The following NARS1 variants were observed in gnomAD, a reference collection of about 807,000 sequenced individuals.
The protein encoded by NARS1 is asparaginyl-tRNA synthetase 1, also known as asparagine--tRNA ligase, cytoplasmic.
NARS1 carries 65 observed loss-of-function variants against 79.2 expected under a neutral mutation model. The ratio of observed to expected loss-of-function variants is 0.82; its 90% CI spans 0.67 to 1.01. The LOEUF is 1.01. Ranked by LOEUF, NARS1 falls within the 50% of genes least tolerant of loss-of-function variation. NARS1 has a pLI of 0.00. For missense variants in NARS1, 649 were observed against 673.8 expected (o/e 0.96, Z 0.41); for synonymous variants, 229 against 238.8 (o/e 0.96, Z 0.38).
At position 57,613,623 on chromosome 18, in the gene NARS1, C is replaced by G. The variant is rs1356553375; in HGVS notation, c.400G>C (p.Val134Leu). ...TTACCTTGCCTGCGCAGCCTGTGGACCCAGCCAAACACCTTTACTCTTTGG... is the reference window on the plus strand; with the variant it reads ...TTACCTTGCCTGCGCAGCCTGTGGAGCCAGCCAAACACCTTTACTCTTTGG... ...RGQRVKVFGW[V>L]HRLRRQGKNL... The change falls in exon 5 of 14, where the codon GTC becomes CTC. Residue 134 changes from valine (V) to leucine (L), a missense_variant. By Grantham distance (32) the Val-to-Leu change is conservative (BLOSUM62 1). Coordinates refer to ENST00000256854, the MANE Select transcript of NARS1 (RefSeq NM_004539.4). 1.9e-6 allele frequency: 3 copies of G among 1,614,100 alleles called. No homozygotes were observed. The South Asian group carries it at 3.3e-5, about 18-fold the overall frequency.
At chr18:57,606,582 T>C in intron 10 of NARS1, 34 bp downstream of exon 10, 1 of 1,583,622 alleles carries the variant, frequency 6.3e-7, no homozygotes, top group Non-Finnish European at 8.6e-7. Flanking sequence ...AAAAAAGGAC[T>C]GTGACTTTTT....
At chr18:57,606,443 T>C (rs1421535947) in intron 10 of NARS1, among the ~76,000 whole-genome samples, 173 bp downstream of exon 10, 1 of 151,738 alleles carries the variant, frequency 6.6e-6, no homozygotes, top group Admixed American at 6.6e-5. Context: ...GTTATATAAC[T>C]GAAAACATTA....
At chr18:57,619,337 G>T (rs1281438481) in intron 2 of NARS1, among the ~76,000 whole-genome samples, 1 of 149,576 alleles carries the variant, frequency 6.7e-6, no homozygotes, top group Non-Finnish European at 1.5e-5. Context: ...AGCACTTTGG[G>T]AGGGTTAATA....
chr18:57,605,868 C>A lies in NARS1; in HGVS notation c.1240G>T (p.Glu414Ter). The part of the protein sequence containing the change: ...DVKKEDGTFY[E>*]FGEDIPEAPE... The stretch of plus-strand genomic sequence containing the variant: ...AAAGGGATACATACTTCTCCAAATT[C>A]ATAGAAAGTTCCATCTTCTTTCTTT... Residue 414 changes from glutamate to a stop codon, truncating the protein, a stop_gained, in exon 11 of 14, where the codon GAA becomes TAA. Transcript: ENST00000256854. LOFTEE classifies it high-confidence loss of function. 1 of 1,599,196 alleles carries A rather than the reference C, an allele frequency of 6.3e-7. No individual in the cohort carries two copies. The highest frequency in any genetic ancestry group is 8.6e-7 in the Non-Finnish European group (1 of 1,168,076).
intron 5 of NARS1, 60 bp from the exon 6 acceptor site, chr18:57,611,767 T>C (rs1290134935): frequency 1.4e-5 from 13 of 918,960 alleles, no homozygotes; most frequent in Middle Eastern, 2.7e-4. Context: ...ATTTTATATA[T>C]ATATATAATT....
chr18:57,601,917 G>T, intron 13 of NARS1, 134 bp from the exon 14 acceptor site: 1 of 849,810 alleles, frequency 1.2e-6, no homozygotes, highest in Non-Finnish European at 1.9e-6. Context: ...CAGATTCAGT[G>T]GCTCGTGCCT....
intron 5 of NARS1, among the ~76,000 whole-genome samples, chr18:57,612,137 T>C (rs1202041535): frequency 6.6e-6 from 1 of 152,198 alleles, no homozygotes; most frequent in African/African-American, 2.4e-5. Flanking sequence ...GCCCCTGAAG[T>C]ACCCACTGGT....
intron 2 of NARS1, among the ~76,000 whole-genome samples, chr18:57,617,528 C>T (rs1182485278): frequency 1.4e-5 from 2 of 142,686 alleles, no homozygotes; most frequent in African/African-American, 5.3e-5. Context: ...GCCGAGATCG[C>T]ACCACTGCAC....
At position 57,600,773 on chromosome 18, in the gene NARS1, T is replaced by C. The variant is rs1311878803; in HGVS notation, c.*879A>G. The C allele has an allele frequency of 6.6e-6, 1 of 152,322 alleles. No homozygotes were observed. The highest frequency in any genetic ancestry group is 1.9e-4 in the East Asian group (1 of 5,184). 9.4% of individuals were successfully genotyped at this position (152,322 alleles called of 1,614,324 possible). On this transcript the variant is annotated 3_prime_UTR_variant, in exon 14 of 14. Coordinates refer to ENST00000256854, the MANE Select transcript of NARS1 (RefSeq NM_004539.4). ...AAATGAAGCCATTCAGTAAGCCTGC[T>C]GTGAGTTAATAAGGTAGCACAGATT... is the stretch of plus-strand genomic sequence containing the variant.
At chr18:57,613,462 C>A in intron 5 of NARS1, 140 bp downstream of exon 5, 1 of 693,998 alleles carries the variant, frequency 1.4e-6, no homozygotes, top group Non-Finnish European at 2.4e-6. Context: ...CACTGCACTC[C>A]AGCCTGGGCA....
intron 11 of NARS1, among the ~76,000 whole-genome samples, chr18:57,604,390 TAA>T (rs1205429706): frequency 7.0e-6 from 1 of 142,818 alleles, no homozygotes; most frequent in Admixed American, 6.9e-5. Flanking sequence ...TCCATCTCTT[TAA>T]AAAAAAAAAA....
Position 57,615,643 on chromosome 18 carries a change from ATT to A in NARS1, c.338_339del (p.Lys113MetfsTer11). On this transcript the variant is annotated frameshift_variant, in exon 4 of 14. Transcript: ENST00000256854. LOFTEE classifies it high-confidence loss of function. Reference protein sequence around the residue: ...IKNDPSLPEPKCVKIGALEGY... With the variant: ...IKNDPSLPEPXCVKIGALEGY... The stretch of plus-strand genomic sequence containing the variant: ...TTTGAAAAGATAAACAAACTTACAC[ATT>A]TTGGCTCTGGGAGACTTGGATCATT... 6.2e-7 allele frequency: 1 copy of A among 1,602,730 alleles called. No individual in the cohort carries two copies. Among genetic ancestry groups the A allele is most frequent in the Non-Finnish European group, 8.5e-7 (1 of 1,170,736 alleles).
At chr18:57,618,112 A>G (rs933368479) in intron 2 of NARS1, among the ~76,000 whole-genome samples, 89 of 148,002 alleles carry the variant, frequency 6.0e-4, no homozygotes, top group African/African-American at 2.1e-3. Flanking sequence ...CACCATCTCT[A>G]CTAGAAATAA....
At chr18:57,614,341 A>C (rs1028851586) in intron 4 of NARS1, among the ~76,000 whole-genome samples, 1 of 152,028 alleles carries the variant, frequency 6.6e-6, no homozygotes, top group East Asian at 1.9e-4. Flanking sequence ...TCTCTACTAA[A>C]AATACAAAAA....
rs1464681367 is a variant in NARS1, at chr18:57,613,625, C to T, written c.398G>A (p.Trp133Ter). 2 of 1,614,054 alleles carry T rather than the reference C, an allele frequency of 1.2e-6. No homozygotes were observed. The change falls in exon 5 of 14, where the codon TGG becomes TAG. Residue 133 changes from tryptophan to a stop codon, truncating the protein, a stop_gained. Transcript: ENST00000256854. LOFTEE classifies it high-confidence loss of function. Reference protein sequence around the residue: ...YRGQRVKVFGWVHRLRRQGKN... With the variant: ...YRGQRVKVFG The stretch of plus-strand genomic sequence containing the variant: ...ACCTTGCCTGCGCAGCCTGTGGACC[C>T]AGCCAAACACCTTTACTCTTTGGCC...
Position 57,615,926 on chromosome 18 carries a change from G to A in NARS1, c.143C>T (p.Ser48Leu). The change falls in exon 3 of 14, where the codon TCA (serine) becomes TTA (leucine). Residue 48 changes from serine (S) to leucine (L), a missense_variant. By Grantham distance (145) the Ser-to-Leu change is moderately radical. Transcript: ENST00000256854. Reference sequence around the variant, plus strand: ...ATTCCACCTCTCATTTTCTTTTTGTGAATCTACGTAAATGGTAGGAAATGG... The same window carrying A: ...ATTCCACCTCTCATTTTCTTTTTGTAAATCTACGTAAATGGTAGGAAATGG... ...KEPFPTIYVD[S>L]QKENERWNVI... The A allele has an allele frequency of 6.2e-7, 1 of 1,613,004 alleles. No homozygotes were observed. The highest frequency in any genetic ancestry group is 8.5e-7 in the Non-Finnish European group (1 of 1,179,670).
intron 7 of NARS1, among the ~76,000 whole-genome samples, chr18:57,608,542 AAAAG>A (rs2051580848): frequency 6.6e-6 from 1 of 152,048 alleles, no homozygotes; most frequent in Admixed American, 6.6e-5. Context: ...CATCTGGCTG[AAAAG>A]TAATTCATAT....
intron 9 of NARS1, 111 bp downstream of exon 9, chr18:57,607,023 T>G (rs1381595194): frequency 1.7e-6 from 2 of 1,190,140 alleles, no homozygotes; most frequent in Non-Finnish European, 2.4e-6. Context: ...CATTAACCAC[T>G]TAATATATCA....
intron 13 of NARS1, 57 bp from the exon 14 acceptor site, chr18:57,601,840 C>G: frequency 6.4e-7 from 1 of 1,570,370 alleles, no homozygotes. Flanking sequence ...AAACTTTCAT[C>G]TAAGACAGTT....
Sources: gnomAD v4.1 joint callset for allele counts (sites outside exome capture counted in the v4.1 genomes callset) on GRCh38, gnomAD v4.1.1 for gene constraint, MANE v1.5 for transcripts, NCBI Gene and HGNC (gene_info 2026-07-23, HGNC 2026-07-21) for gene names.